ADAMTSL1: variants seen among roughly 807,000 people sequenced by gnomAD.
ADAMTSL1 encodes the protein ADAMTS like 1.
In ADAMTSL1, 126 loss-of-function variants were observed where a neutral mutation model predicts 201.8. The ratio of observed to expected loss-of-function variants is 0.62; its 90% CI spans 0.54 to 0.72. The LOEUF is 0.72. ADAMTSL1 is among the 30% of genes least tolerant of loss of function. The probability of loss-of-function intolerance (pLI) is 0.00; values close to 1 mark genes in which losing one functional copy is unlikely to be tolerated. For synonymous variants in ADAMTSL1, 1,121 were observed against 903.4 expected, an observed-to-expected ratio of 1.24 and a Z score of -4.32; for missense variants, 2,679 against 2,277.8, an observed-to-expected ratio of 1.18 and a Z score of -3.59.
intron 3 of ADAMTSL1, among the ~76,000 whole-genome samples, chr9:18,545,595 C>T (rs1820422196): frequency 1.3e-5 from 2 of 152,126 alleles, no homozygotes; most frequent in East Asian, 1.9e-4. Flanking sequence ...TCCAAGAATC[C>T]TTGCTGAAAA....
At chr9:18,287,900 C>G (rs942771994) in intron 2 of ADAMTSL1, among the ~76,000 whole-genome samples, 2 of 152,076 alleles carry the variant, frequency 1.3e-5, no homozygotes, top group Non-Finnish European at 2.9e-5. Context: ...CTCCTACTCC[C>G]TGAAGTATAT....
At chr9:18,604,621 T>G (rs1247585429) in intron 4 of ADAMTSL1, among the ~76,000 whole-genome samples, 1 of 152,218 alleles carries the variant, frequency 6.6e-6, no homozygotes, top group Non-Finnish European at 1.5e-5. Context: ...GAATAATATT[T>G]TGTTGTATGA....
At chr9:18,147,833 T>C (rs1176953851) in intron 1 of ADAMTSL1, among the ~76,000 whole-genome samples, 1 of 152,164 alleles carries the variant, frequency 6.6e-6, no homozygotes, top group African/African-American at 2.4e-5. Flanking sequence ...CACATCATTA[T>C]ATTTTGCAAG....
intron 9 of ADAMTSL1, among the ~76,000 whole-genome samples, chr9:18,664,666 A>G (rs1329037792): frequency 6.6e-6 from 1 of 152,066 alleles, no homozygotes; most frequent in African/African-American, 2.4e-5. Context: ...AATAAATTTA[A>G]AAAGAAAAGT....
chr9:18,735,539 C>A (rs867443781), intron 15 of ADAMTSL1, among the ~76,000 whole-genome samples: 2 of 152,038 alleles, frequency 1.3e-5, no homozygotes, highest in South Asian at 4.2e-4. Context: ...GCTACAGAGA[C>A]CTCTCAGATG....
intron 5 of ADAMTSL1, among the ~76,000 whole-genome samples, chr9:18,626,876 TTCC>T (rs1826408624): frequency 1.1e-5 from 1 of 89,544 alleles, no homozygotes; most frequent in African/African-American, 6.0e-5. Context: ...TCTGTCTTTC[TTCC>T]TTCCTTCCTT....
intron 2 of ADAMTSL1, among the ~76,000 whole-genome samples, chr9:18,351,937 C>T (rs961734531): frequency 5.3e-5 from 8 of 152,114 alleles, no homozygotes; most frequent in Non-Finnish European, 1.2e-4. Flanking sequence ...TTTCAAATAT[C>T]AGTGATGACC....
chr9:18,499,589 GA>G (rs1381677182), intron 1 of ADAMTSL1, among the ~76,000 whole-genome samples: 4 of 152,168 alleles, frequency 2.6e-5, no homozygotes, highest in Admixed American at 2.0e-4. Flanking sequence ...ATCACTGGGG[GA>G]GTTGCCCCTC....
At chr9:18,861,890 T>C (rs535965688) in intron 23 of ADAMTSL1, among the ~76,000 whole-genome samples, 3 of 152,150 alleles carry the variant, frequency 2.0e-5, no homozygotes, top group South Asian at 4.2e-4. Context: ...CACTCAACTC[T>C]CCCCCGTCTT....
chr9:18,358,341 C>T (rs761558793), intron 2 of ADAMTSL1, among the ~76,000 whole-genome samples: 5 of 152,066 alleles, frequency 3.3e-5, no homozygotes, highest in Non-Finnish European at 7.4e-5. Context: ...AAAGTAAGAC[C>T]ATTAAGAACA....
intron 2 of ADAMTSL1, among the ~76,000 whole-genome samples, chr9:18,176,690 G>C (rs1396110804): frequency 6.6e-6 from 1 of 152,120 alleles, no homozygotes; most frequent in African/African-American, 2.4e-5. Context: ...ACTTTACTCA[G>C]CACCATAGTA....
chr9:18,088,811 T>G (rs772834893), intron 1 of ADAMTSL1, among the ~76,000 whole-genome samples: 2 of 152,212 alleles, frequency 1.3e-5, no homozygotes, highest in Non-Finnish European at 1.5e-5. Context: ...GCAGCCACTG[T>G]GGAAAACAGA....
chr9:18,896,652 G>A (rs767313254), intron 26 of ADAMTSL1, among the ~76,000 whole-genome samples: 2 of 152,160 alleles, frequency 1.3e-5, no homozygotes, highest in Non-Finnish European at 2.9e-5. Flanking sequence ...TCACCCCCCA[G>A]CCAAGGGAAG....
At chr9:18,003,632 G>T (rs1819699375) in intron 1 of ADAMTSL1, among the ~76,000 whole-genome samples, 1 of 152,082 alleles carries the variant, frequency 6.6e-6, no homozygotes, top group African/African-American at 2.4e-5. Context: ...CTTGTAGCAA[G>T]TCGGATGGGA....
chr9:17,958,311 T>G (rs1828005878), intron 1 of ADAMTSL1, among the ~76,000 whole-genome samples: 1 of 152,126 alleles, frequency 6.6e-6, no homozygotes, highest in South Asian at 2.1e-4. Context: ...AATGTGTCTT[T>G]CCACTAGACA....
intron 1 of ADAMTSL1, among the ~76,000 whole-genome samples, chr9:18,082,085 C>G (rs1175050004): frequency 6.6e-6 from 1 of 152,112 alleles, no homozygotes; most frequent in Non-Finnish European, 1.5e-5. Context: ...AACACAAAAC[C>G]AAAATGCAAA....
At chr9:18,160,436 A>G (rs1827332616) in intron 1 of ADAMTSL1, among the ~76,000 whole-genome samples, 1 of 152,012 alleles carries the variant, frequency 6.6e-6, no homozygotes, top group East Asian at 1.9e-4. Flanking sequence ...CATTAGCCAT[A>G]CATACAATTT....
In ADAMTSL1 at chr9:18,533,172, A is replaced by AT. The variant is rs1411086885; in HGVS notation, c.192-70dup. The AT allele has an allele frequency of 2.2e-5, 30 of 1,373,254 alleles. No individual in the cohort carries two copies. The African/African-American group carries it at 2.3e-4, about 11-fold the overall frequency. 85.1% of individuals were successfully genotyped at this position (1,373,254 alleles called of 1,614,324 possible). A position where few individuals can be genotyped will look rare whatever the true frequency, so the allele number is the denominator to read the frequency against. ...GCCCTTTTACTAGTATTTAGAGCAA[A>AT]TTTTTATAAGAAAATATTTCTGATT... On this transcript the variant is annotated intron_variant, in intron 2 of 28. Transcript: ENST00000380548.
At chr9:18,412,366 A>G (rs1020271381) in intron 2 of ADAMTSL1, among the ~76,000 whole-genome samples, 2 of 152,130 alleles carry the variant, frequency 1.3e-5, no homozygotes, top group African/African-American at 4.8e-5. Flanking sequence ...CATTTACCTA[A>G]TGGTTTTAGC....
Sources: gnomAD v4.1 joint callset for allele counts (sites outside exome capture counted in the v4.1 genomes callset) on GRCh38, gnomAD v4.1.1 for gene constraint, MANE v1.5 for transcripts, NCBI Gene and HGNC (gene_info 2026-07-23, HGNC 2026-07-21) for gene names.